Variants in PARVB observed in about 807,000 individuals in gnomAD.
The protein encoded by PARVB is beta-parvin.
PARVB carries 46 observed loss-of-function variants against 47.0 expected under a neutral mutation model. The ratio of observed to expected loss-of-function variants is 0.98; its 90% CI spans 0.77 to 1.25. The LOEUF (loss-of-function observed/expected upper bound fraction) is 1.25. PARVB is among the 50% of genes most tolerant of loss of function. The probability of loss-of-function intolerance (pLI) is 0.00; values close to 1 mark genes in which losing one functional copy is unlikely to be tolerated. For missense variants in PARVB, 473 were observed against 471.6 expected (o/e 1.00, Z -0.03); for synonymous variants, 196 against 196.3 (o/e 1.00, Z 0.01).
At chr22:44,007,722 G>A (rs987369331) in intron 2 of PARVB, among the ~76,000 whole-genome samples, 3 of 152,080 alleles carry the variant, frequency 2.0e-5, no homozygotes, top group Non-Finnish European at 2.9e-5. Flanking sequence ...CTACAGTTCC[G>A]TGGCTTAAAT....
chr22:44,029,685 A>T (rs1348654307), intron 1 of PARVB, among the ~76,000 whole-genome samples: 3 of 151,534 alleles, frequency 2.0e-5, no homozygotes, highest in Non-Finnish European at 4.4e-5. Context: ...CTGAAGCGGC[A>T]GATCACCTGA....
chr22:44,068,255 C>T lies in PARVB; in HGVS notation c.113-25673C>T, dbSNP rs1205076411. Among the ~76,000 whole-genome samples the T allele has an allele frequency of 6.6e-6, 1 of 152,194 alleles. No individual in the cohort carries two copies. Among genetic ancestry groups the T allele is most frequent in the Non-Finnish European group, 1.5e-5 (1 of 68,026 alleles). On this transcript the variant is annotated intron_variant, in intron 1 of 12. Transcript: ENST00000338758. This position sits in a 1 kb window ranked among gnomAD's most constrained non-coding sequence, Gnocchi z 4.1. ...CAGGAACCACTGAAATTTGTGGATT[C>T]CCACAGCAGCACATGAGGCTGGTCA...
chr22:44,081,334 G>A (rs1257720873), intron 1 of PARVB, among the ~76,000 whole-genome samples: 1 of 152,110 alleles, frequency 6.6e-6, no homozygotes, highest in Non-Finnish European at 1.5e-5. Flanking sequence ...AAGCTTTCAT[G>A]GAGGCATCTG....
At chr22:44,111,082 C>G (rs2052685748) in intron 3 of PARVB, 1 of 150,346 alleles carries the variant, frequency 6.7e-6, no homozygotes, top group Non-Finnish European at 1.5e-5. Flanking sequence ...CCATGTATGT[C>G]CCTTCAGGCT....
In PARVB at chr22:44,125,784, G is replaced by A. The variant is rs935296087; in HGVS notation, c.377-5703G>A. Among the ~76,000 whole-genome samples the A allele has an allele frequency of 2.0e-5, 3 of 152,148 alleles. No individual in the cohort carries two copies. The highest frequency in any genetic ancestry group is 7.2e-5 in the African/African-American group (3 of 41,426). ...ACGTGGATTGGGTTAGAGTTTAAAA[G>A]GTCACTTAGGCTTCTGGGTGCAGGA... is the stretch of plus-strand genomic sequence containing the variant. On this transcript the variant is annotated intron_variant, in intron 4 of 12. Coordinates refer to ENST00000338758, the MANE Select transcript of PARVB (RefSeq NM_013327.5). This position sits in a 1 kb window ranked among gnomAD's most constrained non-coding sequence, Gnocchi z 4.1.
intron 1 of PARVB, among the ~76,000 whole-genome samples, chr22:44,037,406 G>A (rs1268620367): frequency 3.3e-5 from 5 of 152,168 alleles, no homozygotes; most frequent in African/African-American, 1.2e-4. Context: ...CTGGATGACA[G>A]ACTGAGACCC....
At chr22:43,999,799 C>A in intron 2 of PARVB, 1 of 431,616 alleles carries the variant, frequency 2.3e-6, no homozygotes, top group Non-Finnish European at 4.4e-6. Flanking sequence ...GAATTTGAGA[C>A]TACTCTGCAC....
chr22:44,165,944 C>T (rs1379595198), intron 12 of PARVB, among the ~76,000 whole-genome samples: 1 of 152,222 alleles, frequency 6.6e-6, no homozygotes, highest in African/African-American at 2.4e-5. Context: ...GAAATCCTTG[C>T]TCATGTCCAC....
intron 4 of PARVB, 86 bp from the exon 5 acceptor site, chr22:44,131,401 C>G: frequency 6.7e-7 from 1 of 1,483,942 alleles, no homozygotes; most frequent in South Asian, 1.3e-5. Flanking sequence ...CTCGGCCTCT[C>G]AAACTGCTGG....
At chr22:44,145,377 C>T (rs2053641606) in intron 8 of PARVB, 1 of 152,332 alleles carries the variant, frequency 6.6e-6, no homozygotes, top group African/African-American at 2.4e-5. Flanking sequence ...TCTCTCTCCC[C>T]TAGGTCAGGG....
intron 1 of PARVB, among the ~76,000 whole-genome samples, chr22:44,082,120 C>G (rs1020218859): frequency 6.6e-6 from 1 of 151,900 alleles, no homozygotes; most frequent in Middle Eastern, 3.4e-3. Flanking sequence ...TTTTTTGGGG[C>G]GGGGGAGGCT....
chr22:44,160,791 A>G (rs1449749509), intron 11 of PARVB, among the ~76,000 whole-genome samples: 13 of 152,186 alleles, frequency 8.5e-5, no homozygotes, highest in African/African-American at 3.1e-4. Flanking sequence ...GAGGCTTGGA[A>G]GGGGCTTTGC....
intron 1 of PARVB, among the ~76,000 whole-genome samples, chr22:44,028,218 T>C (rs1159024817): frequency 6.6e-6 from 1 of 152,128 alleles, no homozygotes; most frequent in Non-Finnish European, 1.5e-5. Flanking sequence ...TACAGTCACC[T>C]CTGGAGCAGC....
intron 8 of PARVB, chr22:44,144,221 G>A (rs2053616130): frequency 6.6e-6 from 1 of 152,286 alleles, no homozygotes; most frequent in African/African-American, 2.4e-5. Flanking sequence ...CCAGCCCTTG[G>A]TTCATGGGTC....
intron 1 of PARVB, among the ~76,000 whole-genome samples, chr22:44,082,423 G>T (rs2051924467): frequency 6.6e-6 from 1 of 152,196 alleles, no homozygotes; most frequent in Non-Finnish European, 1.5e-5. Context: ...GGAGGCTGAG[G>T]CAGGAGAATC....
chr22:44,024,575 C>A, intron 1 of PARVB, 124 bp downstream of exon 1: 1 of 353,300 alleles, frequency 2.8e-6, no homozygotes, highest in Non-Finnish European at 4.2e-6. Flanking sequence ...CACGCGGCTG[C>A]GCGACCTTCG....
At chr22:44,047,019 C>T (rs933391318) in intron 1 of PARVB, among the ~76,000 whole-genome samples, 36 of 152,292 alleles carry the variant, frequency 2.4e-4, no homozygotes, top group African/African-American at 7.0e-4. Flanking sequence ...CTTCCCCCAC[C>T]GGCAGAGGTG....
At chr22:44,056,148 G>A (rs747392739) in intron 1 of PARVB, among the ~76,000 whole-genome samples, 12 of 152,198 alleles carry the variant, frequency 7.9e-5, no homozygotes, top group South Asian at 4.1e-4. Context: ...CCCACCGTGC[G>A]TGCTGTCCTA....
chr22:44,148,487 C>G (rs936734775), intron 9 of PARVB: 4 of 163,094 alleles, frequency 2.5e-5, no homozygotes, highest in Non-Finnish European at 5.5e-5. Context: ...GGAACTGGAG[C>G]CCACTGGCTG....
Sources: gnomAD v4.1 joint callset for allele counts (sites outside exome capture counted in the v4.1 genomes callset) on GRCh38, gnomAD v4.1.1 for gene constraint, Gnocchi (gnomAD v3.1) non-coding constraint, MANE v1.5 for transcripts, NCBI Gene and HGNC (gene_info 2026-07-23, HGNC 2026-07-21) for gene names.